RIMS2: variants seen among roughly 807,000 people sequenced by gnomAD.
RIMS2 encodes the protein regulating synaptic membrane exocytosis 2, also known as regulating synaptic membrane exocytosis protein 2.
RIMS2 carries 59 observed loss-of-function variants against 174.4 expected under a neutral mutation model. The ratio of observed to expected loss-of-function variants is 0.34; its 90% CI spans 0.27 to 0.42. RIMS2 has a LOEUF of 0.42. Ranked by LOEUF, RIMS2 falls within the 10% of genes least tolerant of loss-of-function variation. RIMS2 has a pLI of 1.00. For missense variants in RIMS2, 1,620 were observed against 1,666.3 expected (o/e 0.97, Z 0.48); for synonymous variants, 606 against 572.5 (o/e 1.06, Z -0.84).
At chr8:103,542,846 A>G (rs147556831) in intron 1 of RIMS2, among the ~76,000 whole-genome samples, 3 of 152,316 alleles carry the variant, frequency 2.0e-5, no homozygotes, top group African/African-American at 7.2e-5. Flanking sequence ...AAACTTCTAA[A>G]AAGTTAGGTA....
intron 3 of RIMS2, among the ~76,000 whole-genome samples, chr8:103,807,042 A>T (rs115211059): frequency 0.012 from 1,792 of 152,214 alleles, 38 homozygotes; most frequent in African/African-American, 0.042. Flanking sequence ...TTAGGGGAAG[A>T]TAAGGGCAAA....
chr8:104,013,567 C>T (rs1381385320), exon 18 of RIMS2: 10 of 1,613,710 alleles, frequency 6.2e-6, no homozygotes, highest in South Asian at 3.3e-5. Flanking sequence ...CTCATGAGGT[C>T]GATGCCTTCA....
At chr8:104,012,692 G>A (rs1177807088) in intron 17 of RIMS2, among the ~76,000 whole-genome samples, 1 of 152,068 alleles carries the variant, frequency 6.6e-6, no homozygotes, top group Non-Finnish European at 1.5e-5. Flanking sequence ...GGGATAGAAA[G>A]GTCAACAATG....
At chr8:103,824,919 A>T (rs573978642) in intron 3 of RIMS2, among the ~76,000 whole-genome samples, 1 of 152,176 alleles carries the variant, frequency 6.6e-6, no homozygotes, top group Middle Eastern at 3.2e-3. Flanking sequence ...GTAAGGATTT[A>T]TTTGTGCCTG....
chr8:103,590,227 A>G (rs2094184029), intron 1 of RIMS2, among the ~76,000 whole-genome samples: 1 of 151,462 alleles, frequency 6.6e-6, no homozygotes, highest in Non-Finnish European at 1.5e-5. Context: ...ATCCACAAAA[A>G]TTAAAAACAA....
chr8:104,058,840 G>A (rs1306602116), intron 19 of RIMS2, among the ~76,000 whole-genome samples: 3 of 152,128 alleles, frequency 2.0e-5, no homozygotes, highest in African/African-American at 7.2e-5. Context: ...TTTCCCCATT[G>A]CTTGTTTTTC....
intron 1 of RIMS2, among the ~76,000 whole-genome samples, chr8:103,651,744 T>G (rs927308561): frequency 6.6e-6 from 1 of 152,104 alleles, no homozygotes; most frequent in Non-Finnish European, 1.5e-5. Flanking sequence ...CTCTGCTCCT[T>G]TAGGCATAAA....
At chr8:103,799,062 G>T (rs2098583046) in intron 3 of RIMS2, among the ~76,000 whole-genome samples, 1 of 151,952 alleles carries the variant, frequency 6.6e-6, no homozygotes, top group Non-Finnish European at 1.5e-5. Flanking sequence ...TCTAGAAGCT[G>T]GAAATCTCCC....
intron 3 of RIMS2, among the ~76,000 whole-genome samples, chr8:103,813,556 C>T (rs1031128076): frequency 2.6e-5 from 4 of 152,078 alleles, no homozygotes; most frequent in Non-Finnish European, 5.9e-5. Flanking sequence ...TCCCGCCTCT[C>T]CCACCCCACG....
chr8:103,827,650 C>A (rs1036390447), intron 3 of RIMS2, among the ~76,000 whole-genome samples: 1 of 152,114 alleles, frequency 6.6e-6, no homozygotes, highest in Non-Finnish European at 1.5e-5. Context: ...GCCTGACCAA[C>A]ATGGTGAAAC....
intron 2 of RIMS2, among the ~76,000 whole-genome samples, chr8:103,763,816 A>C (rs945377608): frequency 6.6e-6 from 1 of 152,184 alleles, no homozygotes; most frequent in Non-Finnish European, 1.5e-5. Flanking sequence ...CAGAAACAAT[A>C]CTACTTGTAC....
chr8:104,006,118 T>C (rs2095566472), intron 17 of RIMS2, among the ~76,000 whole-genome samples: 1 of 152,198 alleles, frequency 6.6e-6, no homozygotes, highest in African/African-American at 2.4e-5. Flanking sequence ...AACTAAGTTC[T>C]ATTTACATTT....
chr8:103,717,620 C>G (rs952114133), intron 2 of RIMS2, among the ~76,000 whole-genome samples: 4 of 152,162 alleles, frequency 2.6e-5, no homozygotes, highest in African/African-American at 7.2e-5. Flanking sequence ...AGAAATGAGG[C>G]ACTTGATGAT....
chr8:103,992,323 G>T (rs894711908), intron 17 of RIMS2, among the ~76,000 whole-genome samples: 3 of 127,018 alleles, frequency 2.4e-5, no homozygotes, highest in Non-Finnish European at 3.2e-5. Context: ...ACGGGGTTTC[G>T]CCATGTTGGC....
chr8:103,539,633 C>T (rs1476768277), intron 1 of RIMS2, among the ~76,000 whole-genome samples: 1 of 152,164 alleles, frequency 6.6e-6, no homozygotes, highest in African/African-American at 2.4e-5. Context: ...GCATTTTTTG[C>T]CACCAAGGCA....
At chr8:103,563,716 A>C (rs943198503) in intron 1 of RIMS2, among the ~76,000 whole-genome samples, 2 of 152,112 alleles carry the variant, frequency 1.3e-5, no homozygotes, top group African/African-American at 4.8e-5. Context: ...GTCCATTTTC[A>C]CGCTGGTATT....
intron 1 of RIMS2, among the ~76,000 whole-genome samples, chr8:103,691,165 G>T (rs1272002417): frequency 1.3e-5 from 2 of 152,022 alleles, no homozygotes; most frequent in Admixed American, 6.6e-5. Context: ...ATGCCTTGAG[G>T]TAGTCTTTGG....
chr8:104,029,030 A>T (rs1366165265), intron 19 of RIMS2, among the ~76,000 whole-genome samples: 1 of 152,214 alleles, frequency 6.6e-6, no homozygotes, highest in East Asian at 1.9e-4. Flanking sequence ...AGGGGTGGAC[A>T]ATTCCCAGAA....
At chr8:104,225,009 G>T (rs1190283776) in intron 19 of RIMS2, among the ~76,000 whole-genome samples, 1 of 152,116 alleles carries the variant, frequency 6.6e-6, no homozygotes, top group African/African-American at 2.4e-5. Flanking sequence ...GTACGTTTAC[G>T]TTTCACTTGC....
Sources: gnomAD v4.1 joint callset for allele counts (sites outside exome capture counted in the v4.1 genomes callset) on GRCh38, gnomAD v4.1.1 for gene constraint, MANE v1.5 for transcripts, NCBI Gene and HGNC (gene_info 2026-07-23, HGNC 2026-07-21) for gene names.